The following IQCJ variants were observed in gnomAD, a reference collection of about 807,000 sequenced individuals.
The protein encoded by IQCJ is IQ domain-containing protein J.
A neutral mutation model predicts 11.0 loss-of-function variants in IQCJ; 9 were observed. That is an observed-to-expected ratio of 0.82 (90% CI 0.49 to 1.43). The LOEUF (loss-of-function observed/expected upper bound fraction) is 1.43, where lower values mean the gene tolerates loss of function less well. IQCJ is among the 40% of genes most tolerant of loss of function. The probability of loss-of-function intolerance (pLI) is 0.00; values close to 1 mark genes in which losing one functional copy is unlikely to be tolerated. For synonymous variants in IQCJ, 55 were observed against 51.3 expected (o/e 1.07, Z -0.31); for missense variants, 146 against 133.2 (o/e 1.10, Z -0.47).
chr3:159,087,188 G>A (rs1342053467), intron 1 of IQCJ, among the ~76,000 whole-genome samples: 2 of 152,070 alleles, frequency 1.3e-5, no homozygotes, highest in African/African-American at 2.4e-5. Context: ...TGTGGTTTTT[G>A]TCTTTGGTTC....
At chr3:159,126,467 C>A (rs1278652533) in intron 1 of IQCJ, among the ~76,000 whole-genome samples, 1 of 152,178 alleles carries the variant, frequency 6.6e-6, no homozygotes, top group Non-Finnish European at 1.5e-5. Context: ...TTCAGTCTTT[C>A]TTATTAGTCA....
intron 1 of IQCJ, among the ~76,000 whole-genome samples, chr3:159,241,531 C>G (rs1726924210): frequency 2.0e-5 from 3 of 152,146 alleles, no homozygotes; most frequent in Admixed American, 2.0e-4. Context: ...CTGGCTCTGG[C>G]CTTTTGTCTC....
At chr3:159,114,920 C>G (rs1718873212) in intron 1 of IQCJ, among the ~76,000 whole-genome samples, 1 of 152,230 alleles carries the variant, frequency 6.6e-6, no homozygotes, top group South Asian at 2.1e-4. Context: ...TTCCTGCCCC[C>G]CTGCCCCCGG....
intron 1 of IQCJ, among the ~76,000 whole-genome samples, chr3:159,115,065 A>G (rs1470798996): frequency 3.9e-5 from 6 of 152,164 alleles, no homozygotes; most frequent in Non-Finnish European, 7.3e-5. Flanking sequence ...AATATGGTTC[A>G]CCCTATCTAG....
rs1012843812 is a variant in IQCJ, at chr3:159,262,974, A to G, written c.*243A>G. 2 of 1,211,024 alleles carry G rather than the reference A, an allele frequency of 1.7e-6. No individual in the cohort carries two copies. The highest frequency in any genetic ancestry group is 1.5e-5 in the African/African-American group (1 of 65,794). 75.0% of individuals were successfully genotyped at this position (1,211,024 alleles called of 1,614,324 possible). A position where few individuals can be genotyped will look rare whatever the true frequency, so the allele number is the denominator to read the frequency against. On this transcript the variant is annotated 3_prime_UTR_variant, in exon 4 of 4. Transcript: ENST00000397832. ...CTTTTTTGCTTTTCTTTATAATAGC[A>G]TATTTCTTTTAGTATGTGCTGTGTG... is the stretch of plus-strand genomic sequence containing the variant.
rs76453310 is a variant in IQCJ at position 159,104,867 on chromosome 3, T to G, written c.9+35426T>G. Among the ~76,000 whole-genome samples the G allele has an allele frequency of 3.7e-3, 557 of 152,344 alleles. 4 individuals carry two copies. Among genetic ancestry groups the G allele is most frequent in the African/African-American group, 0.013 (542 of 41,590 alleles). ...TCTGTTCTGTGCTTATTATACCCTG[T>G]ACTTTCCTTATTGAAACCAAGGTCA... On this transcript the variant is annotated intron_variant, in intron 1 of 3. Coordinates refer to ENST00000397832, the MANE Select transcript of IQCJ (RefSeq NM_001042706.3).
At chr3:159,187,029 C>T (rs1072966) in intron 1 of IQCJ, among the ~76,000 whole-genome samples, 4,036 of 152,278 alleles carry the variant, frequency 0.027, 167 homozygotes, top group African/African-American at 0.093. Flanking sequence ...TGATTTGCCT[C>T]AAAGTTTCTG....
At chr3:159,117,369 G>A (rs181834021) in intron 1 of IQCJ, among the ~76,000 whole-genome samples, 10 of 152,282 alleles carry the variant, frequency 6.6e-5, no homozygotes, top group Admixed American at 3.9e-4. Context: ...CTGCGCTTCC[G>A]ACCCAGAACC....
chr3:159,203,853 C>T (rs1239721600), intron 1 of IQCJ, among the ~76,000 whole-genome samples: 1 of 152,086 alleles, frequency 6.6e-6, no homozygotes, highest in Non-Finnish European at 1.5e-5. Context: ...ATATTCAGTC[C>T]TTGTGTGTAT....
chr3:159,114,854 T>G (rs1718866612), intron 1 of IQCJ, among the ~76,000 whole-genome samples: 1 of 152,174 alleles, frequency 6.6e-6, no homozygotes, highest in Non-Finnish European at 1.5e-5. Context: ...CTCCGGAAGC[T>G]CAAATAAAGC....
chr3:159,168,672 C>T (rs988607562), intron 1 of IQCJ, among the ~76,000 whole-genome samples: 1 of 152,106 alleles, frequency 6.6e-6, no homozygotes, highest in Non-Finnish European at 1.5e-5. Context: ...GTCTACCCCC[C>T]ATTGTTAATG....
intron 2 of IQCJ, among the ~76,000 whole-genome samples, chr3:159,251,521 G>A (rs1727598201): frequency 6.6e-6 from 1 of 151,682 alleles, no homozygotes; most frequent in Non-Finnish European, 1.5e-5. Flanking sequence ...TAAATTTGGT[G>A]GGTCACCACT....
At chr3:159,113,859 C>T (rs1300746893) in intron 1 of IQCJ, among the ~76,000 whole-genome samples, 2 of 151,566 alleles carry the variant, frequency 1.3e-5, no homozygotes, top group African/African-American at 2.4e-5. Flanking sequence ...AGGGAAAGAC[C>T]CCAAAACATT....
intron 1 of IQCJ, among the ~76,000 whole-genome samples, chr3:159,093,143 G>A (rs1165687367): frequency 2.0e-5 from 3 of 151,722 alleles, no homozygotes; most frequent in African/African-American, 7.3e-5. Flanking sequence ...GTATTAATCT[G>A]TGTCCTTCAG....
At chr3:159,160,776 T>C (rs1188138755) in intron 1 of IQCJ, among the ~76,000 whole-genome samples, 1 of 149,228 alleles carries the variant, frequency 6.7e-6, no homozygotes, top group Non-Finnish European at 1.5e-5. Context: ...AGTGAGAATA[T>C]GCGGTGTTTG....
At chr3:159,168,610 A>C (rs921450424) in intron 1 of IQCJ, among the ~76,000 whole-genome samples, 1 of 151,776 alleles carries the variant, frequency 6.6e-6, no homozygotes, top group African/African-American at 2.4e-5. Context: ...TTTTTCACTG[A>C]CTCCTGTGTA....
At chr3:159,154,462 T>C (rs1042353441) in intron 1 of IQCJ, among the ~76,000 whole-genome samples, 6 of 152,230 alleles carry the variant, frequency 3.9e-5, no homozygotes, top group Admixed American at 6.5e-5. Context: ...TGTAATCACT[T>C]TGATTCACCA....
chr3:159,225,587 T>C (rs1725811661), intron 1 of IQCJ, among the ~76,000 whole-genome samples: 2 of 152,196 alleles, frequency 1.3e-5, no homozygotes, highest in East Asian at 1.9e-4. Flanking sequence ...GTCAATTTCA[T>C]GGCTTTCGTG....
chr3:159,252,858 T>C, intron 3 of IQCJ, 51 bp downstream of exon 3: 1 of 1,555,070 alleles, frequency 6.4e-7, no homozygotes, highest in East Asian at 2.3e-5. Flanking sequence ...TTTTATGAAT[T>C]CCTGAATAAA....
Sources: allele counts gnomAD v4.1 joint callset (sites outside exome capture counted in the v4.1 genomes callset), GRCh38; gene constraint gnomAD v4.1.1; transcripts MANE v1.5; gene names NCBI Gene and HGNC (gene_info 2026-07-23, HGNC 2026-07-21).